PLCG2: variants seen among roughly 807,000 people sequenced by gnomAD.
The protein encoded by PLCG2 is phospholipase C gamma 2.
A neutral mutation model predicts 175.6 loss-of-function variants in PLCG2; 69 were observed. That is an observed-to-expected ratio of 0.39 (90% CI 0.32 to 0.48). The LOEUF (loss-of-function observed/expected upper bound fraction) is 0.48, where lower values mean the gene tolerates loss of function less well. Ranked by LOEUF, PLCG2 falls within the 20% of genes least tolerant of loss-of-function variation. PLCG2 has a pLI of 0.91. For missense variants in PLCG2, 1,798 were observed against 1,650.9 expected (o/e 1.09, Z -1.54); for synonymous variants, 827 against 624.0 (o/e 1.33, Z -4.85).
intron 2 of PLCG2, among the ~76,000 whole-genome samples, chr16:81,824,056 G>T (rs71388374): frequency 0.14 from 11,305 of 79,148 alleles, 737 homozygotes; most frequent in Middle Eastern, 0.17. Context: ...TTCCTGTCCT[G>T]TCCTGTCCTG....
intron 2 of PLCG2, among the ~76,000 whole-genome samples, chr16:81,820,770 A>G (rs1456126352): frequency 6.6e-6 from 1 of 152,034 alleles, no homozygotes; most frequent in East Asian, 1.9e-4. Flanking sequence ...ACAGGTGCAC[A>G]CCATCATGCC....
intron 2 of PLCG2, among the ~76,000 whole-genome samples, chr16:81,821,008 C>A (rs574739171): frequency 2.0e-5 from 3 of 151,684 alleles, no homozygotes; most frequent in African/African-American, 7.3e-5. Context: ...CCGCCCACCT[C>A]AGCCTCCTGA....
At chr16:81,819,448 C>T (rs1042888940) in intron 2 of PLCG2, among the ~76,000 whole-genome samples, 29 of 152,258 alleles carry the variant, frequency 1.9e-4, no homozygotes, top group Non-Finnish European at 1.5e-4. Flanking sequence ...CTTGGGGCAC[C>T]CAGGAAGCCT....
chr16:81,944,089 A>G (rs1911059323), intron 30 of PLCG2, among the ~76,000 whole-genome samples: 1 of 152,254 alleles, frequency 6.6e-6, no homozygotes, highest in African/African-American at 2.4e-5. Flanking sequence ...TTCCTTATGT[A>G]TAAAATTGTG....
intron 12 of PLCG2, among the ~76,000 whole-genome samples, chr16:81,894,951 C>T (rs1054124913): frequency 5.3e-5 from 8 of 152,170 alleles, no homozygotes; most frequent in African/African-American, 1.2e-4. Context: ...GTTACCAAAA[C>T]GACTCATCAT....
At chr16:81,895,338 A>C (rs1371576764) in intron 12 of PLCG2, among the ~76,000 whole-genome samples, 4 of 152,172 alleles carry the variant, frequency 2.6e-5, no homozygotes, top group African/African-American at 9.7e-5. Context: ...AGGTGGATGG[A>C]TCATGAGGTC....
At chr16:81,754,650 G>C (rs960184966) in intron 1 of PLCG2, among the ~76,000 whole-genome samples, 3 of 151,098 alleles carry the variant, frequency 2.0e-5, no homozygotes, top group African/African-American at 7.3e-5. Context: ...ATGAATGACT[G>C]TGGGGCCCCA....
intron 7 of PLCG2, among the ~76,000 whole-genome samples, chr16:81,871,464 C>T (rs752762433): frequency 1.6e-4 from 25 of 152,072 alleles, no homozygotes; most frequent in Non-Finnish European, 2.8e-4. Context: ...TTAGCCTCCC[C>T]AGTAGCTGGG....
chr16:81,833,121 C>T lies in PLCG2; in HGVS notation c.194-21323C>T, dbSNP rs533753096. 7.6e-4 allele frequency among the ~76,000 whole-genome samples: 115 copies of T among 152,216 alleles called. No individual in the cohort carries two copies. The Middle Eastern group carries it at 0.014, about 18-fold the overall frequency. Reference sequence around the variant, plus strand: ...GGTGCTTTCCTGCTGGCACCCACCTCGCAGAACCCATTCCTTCCCTGAGTC... The same window carrying T: ...GGTGCTTTCCTGCTGGCACCCACCTTGCAGAACCCATTCCTTCCCTGAGTC... On this transcript the variant is annotated intron_variant, in intron 2 of 32. Transcript: ENST00000564138.
At chr16:81,861,051 C>G (rs1906955302) in intron 5 of PLCG2, among the ~76,000 whole-genome samples, 1 of 150,106 alleles carries the variant, frequency 6.7e-6, no homozygotes, top group African/African-American at 2.4e-5. Context: ...CCAAAAAAAC[C>G]AAAACCAAAA....
chr16:81,929,485 T>TC (rs1316891498), intron 24 of PLCG2, among the ~76,000 whole-genome samples: 5 of 152,340 alleles, frequency 3.3e-5, no homozygotes, highest in African/African-American at 1.2e-4. Flanking sequence ...AACCTCTGCC[T>TC]CCTGGATTCA....
intron 2 of PLCG2, among the ~76,000 whole-genome samples, chr16:81,827,569 G>A (rs949851768): frequency 2.0e-5 from 3 of 152,058 alleles, no homozygotes; most frequent in African/African-American, 7.2e-5. Flanking sequence ...CAGCTGGATA[G>A]GTGACCTAAA....
intron 2 of PLCG2, among the ~76,000 whole-genome samples, chr16:81,804,123 C>T (rs902841509): frequency 6.6e-6 from 1 of 152,202 alleles, no homozygotes; most frequent in Non-Finnish European, 1.5e-5. Flanking sequence ...TAAGGAATTG[C>T]CAAGACTGTT....
intron 2 of PLCG2, chr16:81,767,992 C>G (rs1462615391): frequency 6.6e-6 from 1 of 152,252 alleles, no homozygotes; most frequent in African/African-American, 2.4e-5. Flanking sequence ...AGGGTTCAAG[C>G]GATTCTCCTT....
chr16:81,856,875 C>G (rs542977138), intron 3 of PLCG2, among the ~76,000 whole-genome samples: 9 of 152,122 alleles, frequency 5.9e-5, no homozygotes, highest in Admixed American at 1.3e-4. Flanking sequence ...CCGGGAAGGT[C>G]ATTCCCAGAG....
chr16:81,766,376 A>G (rs80304438), intron 2 of PLCG2, among the ~76,000 whole-genome samples: 2,276 of 152,152 alleles, frequency 0.015, 50 homozygotes, highest in African/African-American at 0.051. Flanking sequence ...GCTCTGCACC[A>G]TTTTGTAACC....
intron 11 of PLCG2, among the ~76,000 whole-genome samples, chr16:81,893,490 T>G (rs555989210): frequency 2.6e-5 from 4 of 152,244 alleles, no homozygotes; most frequent in Non-Finnish European, 5.9e-5. Flanking sequence ...AGCAGTCACT[T>G]CCTGCGATTG....
intron 1 of PLCG2, among the ~76,000 whole-genome samples, chr16:81,784,418 C>T (rs933733383): frequency 2.6e-5 from 4 of 152,308 alleles, no homozygotes; most frequent in East Asian, 1.9e-4. Flanking sequence ...ATGAGGGAAC[C>T]GAGCCACAGA....
chr16:81,844,037 T>A (rs1905975711), intron 2 of PLCG2, among the ~76,000 whole-genome samples: 1 of 151,072 alleles, frequency 6.6e-6, no homozygotes, highest in Admixed American at 6.6e-5. Context: ...AGTGCAGTGG[T>A]GTGACGTCGG....
Sources: gnomAD v4.1 joint callset for allele counts (sites outside exome capture counted in the v4.1 genomes callset) on GRCh38, gnomAD v4.1.1 for gene constraint, MANE v1.5 for transcripts, NCBI Gene and HGNC (gene_info 2026-07-23, HGNC 2026-07-21) for gene names.